The following SYT1 variants were observed in gnomAD, a reference collection of about 807,000 sequenced individuals.
The protein encoded by SYT1 is synaptotagmin 1, also known as synaptotagmin-1.
SYT1 carries 8 observed loss-of-function variants against 44.8 expected under a neutral mutation model. The ratio of observed to expected loss-of-function variants is 0.18; its 90% CI spans 0.10 to 0.32. The LOEUF is 0.32. SYT1 is among the 10% of genes least tolerant of loss of function. The probability of loss-of-function intolerance (pLI) is 1.00; values close to 1 mark genes in which losing one functional copy is unlikely to be tolerated. For missense variants in SYT1, 286 were observed against 509.3 expected (o/e 0.56, Z 4.22); for synonymous variants, 154 against 188.8 (o/e 0.82, Z 1.51).
intron 1 of SYT1, among the ~76,000 whole-genome samples, chr12:78,904,764 T>C (rs1380084474): frequency 6.6e-6 from 1 of 152,160 alleles, no homozygotes; most frequent in East Asian, 1.9e-4. Context: ...TTCTTAGTGT[T>C]CTAATAACAT....
chr12:79,428,915 T>C (rs1237289810), intron 9 of SYT1, among the ~76,000 whole-genome samples: 3 of 152,194 alleles, frequency 2.0e-5, no homozygotes, highest in Middle Eastern at 3.4e-3. Flanking sequence ...AAGCTTCCAA[T>C]TGTAGTAGAA....
chr12:78,899,130 GCTCA>G (rs1310005947), intron 1 of SYT1, among the ~76,000 whole-genome samples: 1 of 151,918 alleles, frequency 6.6e-6, no homozygotes, highest in Non-Finnish European at 1.5e-5. Context: ...GGAAACTATT[GCTCA>G]CTAACTATAA....
chr12:79,221,674 C>A (rs1654341755), intron 4 of SYT1, among the ~76,000 whole-genome samples: 1 of 152,086 alleles, frequency 6.6e-6, no homozygotes, highest in Non-Finnish European at 1.5e-5. Context: ...CATGAAAAAA[C>A]CTCTACAATT....
intron 3 of SYT1, among the ~76,000 whole-genome samples, chr12:79,089,446 ATGGTACC>A (rs1473531702): frequency 6.6e-6 from 1 of 150,900 alleles, no homozygotes; most frequent in Admixed American, 6.6e-5. Flanking sequence ...TCTGCCTAGC[ATGGTACC>A]TGGTACATGC....
At chr12:78,924,113 A>G (rs772168805) in intron 1 of SYT1, among the ~76,000 whole-genome samples, 24 of 151,874 alleles carry the variant, frequency 1.6e-4, no homozygotes, top group African/African-American at 4.6e-4. Flanking sequence ...GATGAAATTT[A>G]TTCTATGCAC....
At chr12:78,931,084 C>T (rs1221522018) in intron 1 of SYT1, among the ~76,000 whole-genome samples, 3 of 150,222 alleles carry the variant, frequency 2.0e-5, no homozygotes, top group Non-Finnish European at 3.0e-5. Context: ...ATCACTTGAA[C>T]CCAGGAGGCG....
chr12:78,968,003 C>T (rs1477554603), intron 1 of SYT1, among the ~76,000 whole-genome samples: 3 of 151,978 alleles, frequency 2.0e-5, no homozygotes, highest in Admixed American at 1.3e-4. Context: ...ACAACCAGGA[C>T]TTTTGTGATG....
At chr12:78,867,903 A>C (rs1308171441) in intron 1 of SYT1, among the ~76,000 whole-genome samples, 1 of 151,964 alleles carries the variant, frequency 6.6e-6, no homozygotes, top group East Asian at 1.9e-4. Flanking sequence ...GATGAGCTGG[A>C]AGATTAATAA....
chr12:79,094,011 A>G (rs1309522621), intron 3 of SYT1, among the ~76,000 whole-genome samples: 1 of 151,650 alleles, frequency 6.6e-6, no homozygotes, highest in Admixed American at 6.6e-5. Flanking sequence ...TACCAGCCAA[A>G]CCAAATATAT....
At chr12:78,917,757 CAT>C (rs1876751615) in intron 1 of SYT1, among the ~76,000 whole-genome samples, 1 of 151,938 alleles carries the variant, frequency 6.6e-6, no homozygotes. Context: ...AATCTTGACT[CAT>C]ATTGAATTTA....
chr12:78,900,318 C>G (rs992649292), intron 1 of SYT1, among the ~76,000 whole-genome samples: 3 of 152,064 alleles, frequency 2.0e-5, no homozygotes, highest in African/African-American at 7.2e-5. Flanking sequence ...CAAAACTGCT[C>G]TCAGGGAACT....
chr12:78,949,299 GAATA>G (rs1878838113), intron 1 of SYT1, among the ~76,000 whole-genome samples: 1 of 151,710 alleles, frequency 6.6e-6, no homozygotes, highest in Non-Finnish European at 1.5e-5. Flanking sequence ...TATATTGCAT[GAATA>G]GTCAAGATGG....
At chr12:78,928,311 T>G (rs1461022375) in intron 1 of SYT1, among the ~76,000 whole-genome samples, 3 of 152,146 alleles carry the variant, frequency 2.0e-5, no homozygotes, top group African/African-American at 7.2e-5. Context: ...AATTTAATAC[T>G]TATTCCACCT....
intron 3 of SYT1, among the ~76,000 whole-genome samples, chr12:79,123,329 G>GTC (rs1382090429): frequency 6.6e-6 from 1 of 151,534 alleles, no homozygotes; most frequent in Non-Finnish European, 1.5e-5. Context: ...GTGTGTGTGT[G>GTC]TGTGTGTGTG....
chr12:79,031,806 A>G (rs1035659853), intron 2 of SYT1, among the ~76,000 whole-genome samples: 2 of 151,106 alleles, frequency 1.3e-5, no homozygotes, highest in Non-Finnish European at 3.0e-5. Flanking sequence ...TAATCATGGG[A>G]AATGTCTAGA....
At chr12:79,078,827 TG>T (rs1344060087) in intron 3 of SYT1, among the ~76,000 whole-genome samples, 8 of 152,286 alleles carry the variant, frequency 5.3e-5, no homozygotes, top group South Asian at 2.1e-4. Flanking sequence ...CGTTATTTCC[TG>T]GTTTAGAGTT....
At chr12:78,904,865 TA>T (rs960960609) in intron 1 of SYT1, among the ~76,000 whole-genome samples, 4 of 152,176 alleles carry the variant, frequency 2.6e-5, no homozygotes, top group East Asian at 1.9e-4. Flanking sequence ...GAAGAGATTT[TA>T]TTTTTTTGGT....
At chr12:79,152,363 A>G (rs771561168) in intron 3 of SYT1, among the ~76,000 whole-genome samples, 5 of 152,146 alleles carry the variant, frequency 3.3e-5, no homozygotes, top group Admixed American at 6.6e-5. Context: ...AGATACAAAC[A>G]GACATACCTC....
intron 8 of SYT1, among the ~76,000 whole-genome samples, chr12:79,316,081 G>A (rs1031347331): frequency 1.3e-5 from 2 of 152,166 alleles, no homozygotes; most frequent in Non-Finnish European, 2.9e-5. Context: ...ACAGTTCAAT[G>A]AGTCTTGACA....
Sources: gnomAD v4.1 joint callset for allele counts (sites outside exome capture counted in the v4.1 genomes callset) on GRCh38, gnomAD v4.1.1 for gene constraint, MANE v1.5 for transcripts, NCBI Gene and HGNC (gene_info 2026-07-23, HGNC 2026-07-21) for gene names.